The following RPA1 variants were observed in gnomAD, a reference collection of about 807,000 sequenced individuals.
RPA1 encodes replication protein A1, also known as replication protein A 70 kDa DNA-binding subunit.
A neutral mutation model predicts 83.0 loss-of-function variants in RPA1; 49 were observed. The observed-to-expected ratio is 0.59, with a 90% CI of 0.47 to 0.75. The LOEUF is 0.75. Ranked by LOEUF, RPA1 falls within the 30% of genes least tolerant of loss-of-function variation. The pLI is 0.00. For synonymous variants in RPA1, 279 were observed against 281.8 expected (o/e 0.99, Z 0.10); for missense variants, 693 against 776.1 (o/e 0.89, Z 1.27).
intron 15 of RPA1, among the ~76,000 whole-genome samples, chr17:1,892,850 T>G (rs1914255016): frequency 1.3e-5 from 2 of 152,256 alleles, no homozygotes; most frequent in East Asian, 3.8e-4. Flanking sequence ...CAGAATAGAT[T>G]GCTAATAATG....
At chr17:1,875,205 T>C (rs1913529309) in intron 6 of RPA1, among the ~76,000 whole-genome samples, 1 of 152,222 alleles carries the variant, frequency 6.6e-6, no homozygotes, top group Admixed American at 6.5e-5. Flanking sequence ...GTCTGGGGAT[T>C]TGGAGGCGAT....
chr17:1,896,962 G>T (rs746897839), intron 16 of RPA1, 109 bp from the exon 17 acceptor site: 2 of 852,030 alleles, frequency 2.3e-6, no homozygotes, highest in Non-Finnish European at 3.9e-6. Context: ...CTCTGAACCC[G>T]TGCGTCTGTT....
intron 5 of RPA1, among the ~76,000 whole-genome samples, chr17:1,869,859 G>A (rs1913314396): frequency 2.6e-5 from 4 of 152,110 alleles, no homozygotes; most frequent in South Asian, 2.1e-4. Flanking sequence ...ATTTGGCTCC[G>A]GGCTGTCTCT....
At chr17:1,842,946 C>A in intron 2 of RPA1, 93 bp downstream of exon 2, 1 of 1,373,734 alleles carries the variant, frequency 7.3e-7, no homozygotes, top group South Asian at 1.2e-5. Context: ...GATTTGTCCA[C>A]TTTCGGAAAT....
chr17:1,845,174 GTGTGTGTGTGTGTGTGTGTGTA>G (rs1197661388), intron 4 of RPA1, among the ~76,000 whole-genome samples: 4 of 151,616 alleles, frequency 2.6e-5, no homozygotes, highest in Admixed American at 6.6e-5. Context: ...GTGTGTGTGT[GTGTGTGTGTGTGTGTGTGTGTA>G]CAATCTTGAA....
chr17:1,856,043 G>T (rs1912679498), intron 5 of RPA1, among the ~76,000 whole-genome samples: 1 of 152,066 alleles, frequency 6.6e-6, no homozygotes, highest in Admixed American at 6.6e-5. Flanking sequence ...TATATTTCCA[G>T]CTGGGTGCAG....
chr17:1,838,432 C>T (rs1311961183), intron 1 of RPA1, among the ~76,000 whole-genome samples: 4 of 151,866 alleles, frequency 2.6e-5, no homozygotes, highest in South Asian at 4.2e-4. Context: ...GGAGAAATCC[C>T]GTCTCTACTA....
At chr17:1,877,389 A>G (rs1913612916) in intron 8 of RPA1, 75 bp downstream of exon 8, 2 of 1,308,312 alleles carry the variant, frequency 1.5e-6, no homozygotes, top group Non-Finnish European at 2.2e-6. Context: ...TGCGGAGGGC[A>G]GTGGGCTCGC....
intron 13 of RPA1, among the ~76,000 whole-genome samples, chr17:1,886,104 G>C (rs919122259): frequency 6.6e-6 from 1 of 151,514 alleles, no homozygotes; most frequent in Admixed American, 6.6e-5. Context: ...TGTGTGAACA[G>C]GTGCATTGTC....
rs28572098 is a variant in RPA1, at chr17:1,889,335, A to C, written c.1551+484A>C. Among the ~76,000 whole-genome samples, 1,305 of 146,974 alleles carry C rather than the reference A, an allele frequency of 8.9e-3. 24 individuals carry two copies. Among genetic ancestry groups the C allele is most frequent in the African/African-American group, 0.031 (1,239 of 40,064 alleles). ...AAGTTGTAAAGTTGGGTTTAAAAAA[A>C]TTTTTTTTTTTTTTTAAGAAACAGG... On this transcript the variant is annotated intron_variant, in intron 14 of 16. Coordinates refer to ENST00000254719, the MANE Select transcript of RPA1 (RefSeq NM_002945.5).
In RPA1 at chr17:1,897,235, C is replaced by T. The variant is rs1914476829; in HGVS notation, c.*60C>T. 4 of 1,277,086 alleles carry T rather than the reference C, an allele frequency of 3.1e-6. No individual in the cohort carries two copies. The highest frequency in any genetic ancestry group is 4.4e-6 in the Non-Finnish European group (4 of 913,746). 79.1% of individuals were successfully genotyped at this position (1,277,086 alleles called of 1,614,324 possible). A position where few individuals can be genotyped will look rare whatever the true frequency, so the allele number is the denominator to read the frequency against. On this transcript the variant is annotated 3_prime_UTR_variant, in exon 17 of 17. Coordinates refer to ENST00000254719, the MANE Select transcript of RPA1 (RefSeq NM_002945.5). ...TAGGCAGAATGGAATCGATTTCCTCCCACCTCCGTGTGACGATCCCATGTT... is the reference window on the plus strand; with the variant it reads ...TAGGCAGAATGGAATCGATTTCCTCTCACCTCCGTGTGACGATCCCATGTT...
At chr17:1,874,028 T>TACACACACAC (rs1270241119) in intron 6 of RPA1, among the ~76,000 whole-genome samples, 58 of 102,534 alleles carry the variant, frequency 5.7e-4, no homozygotes, top group African/African-American at 2.3e-3. Flanking sequence ...TATATATATA[T>TACACACACAC]ATATACACAC....
chr17:1,883,187 G>T (rs556520850), intron 12 of RPA1, among the ~76,000 whole-genome samples: 2 of 152,010 alleles, frequency 1.3e-5, no homozygotes, highest in Non-Finnish European at 2.9e-5. Flanking sequence ...ACGGAGTTTC[G>T]GTCTTGTTGC....
chr17:1,893,323 G>A (rs539609728), intron 15 of RPA1, among the ~76,000 whole-genome samples: 4 of 152,156 alleles, frequency 2.6e-5, no homozygotes, highest in South Asian at 2.1e-4. Context: ...AAACTTCCCC[G>A]AGGAACCGTG....
intron 5 of RPA1, among the ~76,000 whole-genome samples, chr17:1,867,272 T>A (rs2151281805): frequency 6.6e-6 from 1 of 152,312 alleles, no homozygotes; most frequent in African/African-American, 2.4e-5. Flanking sequence ...AACCTTTGGA[T>A]GCAGTCAGGA....
chr17:1,847,905 C>T (rs1912320233), intron 4 of RPA1, among the ~76,000 whole-genome samples: 1 of 151,922 alleles, frequency 6.6e-6, no homozygotes, highest in African/African-American at 2.4e-5. Context: ...GGCCTGTAAT[C>T]TCAGCTACTC....
At chr17:1,831,266 C>T (rs905387421) in intron 1 of RPA1, among the ~76,000 whole-genome samples, 6 of 152,162 alleles carry the variant, frequency 3.9e-5, no homozygotes, top group East Asian at 1.9e-4. Context: ...CCTATCTCCA[C>T]GGATGGCACC....
chr17:1,880,838 CTGT>C, intron 12 of RPA1, 147 bp downstream of exon 12: 3 of 1,110,716 alleles, frequency 2.7e-6, no homozygotes, highest in Non-Finnish European at 3.9e-6. Context: ...ATTATGCCTT[CTGT>C]GAGGAGGGCT....
intron 13 of RPA1, among the ~76,000 whole-genome samples, chr17:1,886,645 G>A (rs140847608): frequency 2.6e-5 from 4 of 151,904 alleles, no homozygotes; most frequent in Admixed American, 6.5e-5. Flanking sequence ...TTATGGTGAC[G>A]GCTTATTTCC....
Sources: gnomAD v4.1 joint callset for allele counts (sites outside exome capture counted in the v4.1 genomes callset) on GRCh38, gnomAD v4.1.1 for gene constraint, MANE v1.5 for transcripts, NCBI Gene and HGNC (gene_info 2026-07-23, HGNC 2026-07-21) for gene names.